KCTD16: variants seen among roughly 807,000 people sequenced by gnomAD.
KCTD16 encodes the protein potassium channel tetramerization domain containing 16, also known as BTB/POZ domain-containing protein KCTD16.
A neutral mutation model predicts 33.2 loss-of-function variants in KCTD16; 13 were observed. The observed-to-expected ratio is 0.39, with a 90% CI of 0.25 to 0.62. The LOEUF is 0.62. KCTD16 is among the 20% of genes least tolerant of loss of function. KCTD16 has a pLI of 0.50. For missense variants in KCTD16, 441 were observed against 525.1 expected, an observed-to-expected ratio of 0.84 and a Z score of 1.57; for synonymous variants, 197 against 195.3, an observed-to-expected ratio of 1.01 and a Z score of -0.07.
chr5:144,473,696 G>T lies in KCTD16; in HGVS notation c.869G>T (p.Cys290Phe). ...PSRWSPSHCD[C>F]CCKNGKGDKE... is the part of the protein sequence containing the mutation. ...AGATGGTCACCCTCACACTGCGATT[G>T]CTGCTGCAAGAATGGCAAAGGTGAC... The change falls in exon 4 of 4, where the codon TGC (cysteine) becomes TTC (phenylalanine). Residue 290 changes from cysteine (C) to phenylalanine (F), a missense_variant. Cys to Phe is a radical substitution (Grantham distance 205, BLOSUM62 -2). This residue lies in a region of KCTD16 where 355 missense variants were observed against 413.0 expected (regional missense o/e 0.86). Transcript: ENST00000512467. 6.2e-7 allele frequency: 1 copy of T among 1,608,710 alleles called. No individual in the cohort carries two copies. Among genetic ancestry groups the T allele is most frequent in the Non-Finnish European group, 8.5e-7 (1 of 1,175,646 alleles).
At chr5:144,203,362 C>CA (rs947682043) in intron 2 of KCTD16, among the ~76,000 whole-genome samples, 1 of 151,412 alleles carries the variant, frequency 6.6e-6, no homozygotes, top group Non-Finnish European at 1.5e-5. Context: ...TTTGTTGTTT[C>CA]AAAAAAAATC....
intron 3 of KCTD16, among the ~76,000 whole-genome samples, chr5:144,401,838 G>A (rs1263694523): frequency 6.6e-6 from 1 of 152,202 alleles, no homozygotes; most frequent in Non-Finnish European, 1.5e-5. Context: ...ATGGAAAGAA[G>A]CTCAGTGAGA....
chr5:144,346,974 G>A (rs192005565), intron 3 of KCTD16, among the ~76,000 whole-genome samples: 82 of 151,922 alleles, frequency 5.4e-4, no homozygotes, highest in African/African-American at 1.7e-3. Flanking sequence ...TTTTGTGGTA[G>A]TTTCATAGTT....
At chr5:144,267,019 A>T (rs1755164583) in intron 3 of KCTD16, among the ~76,000 whole-genome samples, 1 of 152,186 alleles carries the variant, frequency 6.6e-6, no homozygotes, top group Admixed American at 6.5e-5. Context: ...TTTTTCCTTG[A>T]CACACATACC....
At chr5:144,434,978 C>T (rs1281969268) in intron 3 of KCTD16, among the ~76,000 whole-genome samples, 2 of 151,948 alleles carry the variant, frequency 1.3e-5, no homozygotes, top group Admixed American at 6.6e-5. Flanking sequence ...AAGAGGAAGG[C>T]GCATGAGGAA....
chr5:144,333,358 C>T (rs1204789235), intron 3 of KCTD16, among the ~76,000 whole-genome samples: 1 of 152,152 alleles, frequency 6.6e-6, no homozygotes, highest in Non-Finnish European at 1.5e-5. Flanking sequence ...GACAATGTGG[C>T]TGTTCTTCTG....
chr5:144,210,566 G>C (rs968932007), intron 3 of KCTD16, among the ~76,000 whole-genome samples: 9 of 152,114 alleles, frequency 5.9e-5, no homozygotes, highest in Non-Finnish European at 1.0e-4. Flanking sequence ...GCATTATGTG[G>C]AAGGTGAGGT....
At chr5:144,424,432 A>C (rs1753278243) in intron 3 of KCTD16, among the ~76,000 whole-genome samples, 1 of 152,152 alleles carries the variant, frequency 6.6e-6, no homozygotes, top group Admixed American at 6.6e-5. Flanking sequence ...CAGTAAGTAC[A>C]CAATCCACTG....
At chr5:144,344,425 A>G (rs1388694446) in intron 3 of KCTD16, among the ~76,000 whole-genome samples, 1 of 146,490 alleles carries the variant, frequency 6.8e-6, no homozygotes, top group Non-Finnish European at 1.5e-5. Flanking sequence ...GCAACCTACA[A>G]AATGGGAGAA....
intron 3 of KCTD16, among the ~76,000 whole-genome samples, chr5:144,424,103 T>C (rs1418719697): frequency 6.6e-6 from 1 of 152,172 alleles, no homozygotes; most frequent in Non-Finnish European, 1.5e-5. Flanking sequence ...ACTCAGATAC[T>C]CTGACTCTGA....
chr5:144,354,971 C>T (rs1751540133), intron 3 of KCTD16, among the ~76,000 whole-genome samples: 1 of 152,116 alleles, frequency 6.6e-6, no homozygotes, highest in Non-Finnish European at 1.5e-5. Context: ...GTGTTAGACC[C>T]TTTACTAAGT....
chr5:144,377,679 A>G (rs557984840), intron 3 of KCTD16: 1 of 152,294 alleles, frequency 6.6e-6, no homozygotes, highest in South Asian at 2.1e-4. Flanking sequence ...AAAATCCATC[A>G]GCCAAGAATG....
intron 3 of KCTD16, among the ~76,000 whole-genome samples, chr5:144,232,897 C>T (rs1754145291): frequency 6.6e-6 from 1 of 152,010 alleles, no homozygotes; most frequent in Non-Finnish European, 1.5e-5. Flanking sequence ...TGAGTCACAC[C>T]TACCATATTT....
chr5:144,241,912 C>A (rs555072578), intron 3 of KCTD16, among the ~76,000 whole-genome samples: 1 of 152,242 alleles, frequency 6.6e-6, no homozygotes, highest in African/African-American at 2.4e-5. Context: ...ACTGGTGCCA[C>A]ATCTATGATA....
chr5:144,390,526 A>AT (rs34067554), intron 3 of KCTD16, among the ~76,000 whole-genome samples: 96,741 of 150,182 alleles, frequency 0.64, 31,784 homozygotes, highest in South Asian at 0.87. Context: ...GAAGTGTTTA[A>AT]TTTTTTTTTT....
At chr5:144,394,269 C>CT (rs1045893021) in intron 3 of KCTD16, among the ~76,000 whole-genome samples, 18 of 151,942 alleles carry the variant, frequency 1.2e-4, no homozygotes, top group Non-Finnish European at 8.8e-5. Flanking sequence ...TTTCAATATA[C>CT]TTTTTTTTGC....
chr5:144,349,238 A>T (rs1015595980), intron 3 of KCTD16, among the ~76,000 whole-genome samples: 1 of 152,170 alleles, frequency 6.6e-6, no homozygotes, highest in African/African-American at 2.4e-5. Context: ...GGTGCTTTGC[A>T]TGGTTTACAT....
intron 3 of KCTD16, among the ~76,000 whole-genome samples, chr5:144,334,134 G>A (rs1013457635): frequency 8.5e-5 from 13 of 152,188 alleles, no homozygotes; most frequent in Non-Finnish European, 1.8e-4. Context: ...AACAGACTCT[G>A]TGTTCTTTGA....
At chr5:144,350,051 C>A (rs1752906978) in intron 3 of KCTD16, among the ~76,000 whole-genome samples, 1 of 152,198 alleles carries the variant, frequency 6.6e-6, no homozygotes. Flanking sequence ...AACTTGAATC[C>A]TTTAAGACAG....
Sources: allele counts gnomAD v4.1 joint callset (sites outside exome capture counted in the v4.1 genomes callset), GRCh38; gene constraint gnomAD v4.1.1; regional missense constraint gnomAD v4.1.1; transcripts MANE v1.5; gene names NCBI Gene and HGNC (gene_info 2026-07-23, HGNC 2026-07-21).